Variants in ZNF85 observed in about 807,000 individuals in gnomAD.
ZNF85 encodes zinc finger protein 85, also known as zinc finger protein 85 (HPF4, HTF1).
In ZNF85, 50 loss-of-function variants were observed where a neutral mutation model predicts 53.9. That is an observed-to-expected ratio of 0.93 (90% CI 0.74 to 1.17). The LOEUF (loss-of-function observed/expected upper bound fraction) is 1.17, where lower values mean the gene tolerates loss of function less well. Ranked by LOEUF, ZNF85 falls within the 50% of genes most tolerant of loss-of-function variation. The probability of loss-of-function intolerance (pLI) is 0.00; values close to 1 mark genes in which losing one functional copy is unlikely to be tolerated. For synonymous variants in ZNF85, 225 were observed against 226.1 expected, an observed-to-expected ratio of 1.00 and a Z score of 0.04; for missense variants, 747 against 688.5, an observed-to-expected ratio of 1.08 and a Z score of -0.95.
At position 20,949,028 on chromosome 19, in the gene ZNF85, A is replaced by T. The variant is rs1323834920; in HGVS notation, c.514A>T (p.Lys172Ter). Reference sequence around the variant, plus strand: ...ACATGAGATAAGACATACTAAAAAGAAACCTTTCAAATGTACAAAATGTGG... The same window carrying T: ...ACATGAGATAAGACATACTAAAAAGTAACCTTTCAAATGTACAAAATGTGG... Reference protein sequence around the residue: ...NRHEIRHTKKKPFKCTKCGKS... With the variant: ...NRHEIRHTKK The change falls in exon 4 of 4, where the codon AAA (lysine) becomes TAA (stop). Residue 172 changes from lysine (K) to a stop codon, truncating the protein, a stop_gained. Transcript: ENST00000328178. LOFTEE classifies it high-confidence loss of function. 1 of 1,613,864 alleles carries T rather than the reference A, an allele frequency of 6.2e-7. No homozygotes were observed. The highest frequency in any genetic ancestry group is 1.3e-5 in the African/African-American group (1 of 75,060).
chr19:20,946,728 G>T (rs536489276), intron 3 of ZNF85, among the ~76,000 whole-genome samples: 2 of 151,700 alleles, frequency 1.3e-5, no homozygotes, highest in Non-Finnish European at 2.9e-5. Context: ...AACTTAAGAT[G>T]TGTTGTGTAA....
Position 20,937,266 on chromosome 19 carries a change from G to A in ZNF85, c.229+2219G>A, listed in dbSNP as rs746735505. 34 of 451,098 alleles carry A rather than the reference G, an allele frequency of 7.5e-5. 1 individual carries two copies. Among genetic ancestry groups the A allele is most frequent in the South Asian group, 4.2e-4 (27 of 63,796 alleles). 27.9% of individuals were successfully genotyped at this position (451,098 alleles called of 1,614,324 possible). On this transcript the variant is annotated intron_variant, in intron 3 of 3. Coordinates refer to ENST00000328178, the MANE Select transcript of ZNF85 (RefSeq NM_003429.5). ...AGGCGAGTCTCAAACTCCTGACCTCGTGATCCACCCACCTCAGCCTCCCAA... is the reference window on the plus strand; with the variant it reads ...AGGCGAGTCTCAAACTCCTGACCTCATGATCCACCCACCTCAGCCTCCCAA...
At chr19:20,944,483 T>A (rs953785587) in intron 3 of ZNF85, among the ~76,000 whole-genome samples, 1 of 146,228 alleles carries the variant, frequency 6.8e-6, no homozygotes, top group Admixed American at 6.8e-5. Context: ...GTATAATTAT[T>A]ATATATTTTT....
intron 3 of ZNF85, chr19:20,937,384 C>T (rs1369704591): frequency 4.4e-6 from 2 of 455,950 alleles, no homozygotes; most frequent in Admixed American, 4.7e-5. Flanking sequence ...TGTTGGGCCC[C>T]CAGGGTGACG....
chr19:20,949,670 A>T lies in ZNF85; in HGVS notation c.1156A>T (p.Thr386Ser), dbSNP rs529155145. The T allele has an allele frequency of 1.2e-4, 194 of 1,613,404 alleles. 5 individuals carry two copies. In the South Asian group the frequency reaches 2.1e-3, roughly 18 times the overall value. The stretch of plus-strand genomic sequence containing the variant: ...AGCCTTTAATCATTTCTCACACCTT[A>T]CTACACATAAGATAATTCATACTGG... ...GKAFNHFSHL[T>S]THKIIHTGEK... The change falls in exon 4 of 4, where the codon ACT (threonine) becomes TCT (serine). Residue 386 changes from threonine to serine, a missense_variant. By Grantham distance (58) the Thr-to-Ser change is moderately conservative. Coordinates refer to ENST00000328178, the MANE Select transcript of ZNF85 (RefSeq NM_003429.5).
intron 3 of ZNF85, 111 bp downstream of exon 3, chr19:20,935,158 G>C (rs1973128035): frequency 9.5e-6 from 6 of 633,308 alleles, no homozygotes; most frequent in Non-Finnish European, 1.5e-5. Flanking sequence ...AAAGAAAATA[G>C]TTTCTCAGAA....
At chr19:20,938,650 A>G (rs961484461) in intron 3 of ZNF85, among the ~76,000 whole-genome samples, 2 of 152,202 alleles carry the variant, frequency 1.3e-5, no homozygotes, top group Admixed American at 6.5e-5. Flanking sequence ...TAGAATTTAC[A>G]TGTTATGCCT....
At chr19:20,927,006 G>A (rs1452769201) in intron 1 of ZNF85, 2 of 151,960 alleles carry the variant, frequency 1.3e-5, no homozygotes, top group African/African-American at 2.4e-5. Context: ...CAAATGGAGT[G>A]TGAAAAAAAT....
Position 20,950,106 on chromosome 19 carries a change from T to G in ZNF85, c.1592T>G (p.Ile531Ser). The G allele has an allele frequency of 1.9e-6, 3 of 1,613,266 alleles. No individual in the cohort carries two copies. The highest frequency in any genetic ancestry group is 2.5e-6 in the Non-Finnish European group (3 of 1,179,808). The change falls in exon 4 of 4, where the codon ATT (isoleucine) becomes AGT (serine). Residue 531 changes from isoleucine to serine, a missense_variant. Physicochemically the swap from Ile to Ser is moderately radical, Grantham distance 142 (BLOSUM62 -2). Coordinates refer to ENST00000328178, the MANE Select transcript of ZNF85 (RefSeq NM_003429.5). Reference sequence around the variant, plus strand: ...TCAAAACTTACCAAACATAAGAAAATTCATACTGGAGAGAAACCCTACACA... The same window carrying G: ...TCAAAACTTACCAAACATAAGAAAAGTCATACTGGAGAGAAACCCTACACA... ...QSSKLTKHKK[I>S]HTGEKPYTCE...
At position 20,950,077 on chromosome 19, in the gene ZNF85, A is replaced by G. The variant is rs143173834; in HGVS notation, c.1563A>G (p.Gln521=). Residue 521 remains glutamine, a synonymous_variant, in exon 4 of 4, where the codon CAA becomes CAG. Coordinates refer to ENST00000328178, the MANE Select transcript of ZNF85 (RefSeq NM_003429.5). ...KCEECGKAFN[Q]SSKLTKHKKI... ...AAGAATGTGGCAAAGCTTTTAACCA[A>G]TCCTCAAAACTTACCAAACATAAGA... is the stretch of plus-strand genomic sequence containing the variant. 5.6e-4 allele frequency: 900 copies of G among 1,612,524 alleles called. 7 individuals carry two copies. The African/African-American group carries it at 0.011, about 20-fold the overall frequency.
chr19:20,928,125 C>T (rs1019637694), intron 1 of ZNF85: 3 of 152,044 alleles, frequency 2.0e-5, no homozygotes, highest in African/African-American at 7.2e-5. Context: ...TTATGGGAAT[C>T]CCCAAATTTT....
At position 20,925,496 on chromosome 19, in the gene ZNF85, C is replaced by A. The variant is rs112920537; in HGVS notation, c.3+2093C>A. Reference sequence around the variant, plus strand: ...AGATTGACTTCACCCAACCCAGCTTCTATTTCTTGGAGACACATTGAGAGA... The same window carrying A: ...AGATTGACTTCACCCAACCCAGCTTATATTTCTTGGAGACACATTGAGAGA... On this transcript the variant is annotated intron_variant, in intron 1 of 3. Coordinates refer to ENST00000328178, the MANE Select transcript of ZNF85 (RefSeq NM_003429.5). 3.3e-3 allele frequency among the ~76,000 whole-genome samples: 500 copies of A among 151,500 alleles called. 3 individuals carry two copies. The highest frequency in any genetic ancestry group is 0.014 in the Middle Eastern group (4 of 292).
chr19:20,934,708 C>T (rs1376934754), intron 2 of ZNF85, among the ~76,000 whole-genome samples: 1 of 145,498 alleles, frequency 6.9e-6, no homozygotes, highest in Non-Finnish European at 1.5e-5. Flanking sequence ...ACTCAGGAGG[C>T]GGAGCTTGCA....
intron 1 of ZNF85, among the ~76,000 whole-genome samples, chr19:20,923,681 G>T (rs1972812895): frequency 6.6e-6 from 1 of 150,998 alleles, no homozygotes; most frequent in Admixed American, 6.6e-5. Context: ...CTCCCAGATT[G>T]AGCAGGGACC....
chr19:20,923,527 G>A, intron 1 of ZNF85, 124 bp downstream of exon 1: 1 of 1,497,848 alleles, frequency 6.7e-7, no homozygotes, highest in Admixed American at 1.9e-5. Context: ...AGTTCTTTTT[G>A]CCCAGCTCGG....
chr19:20,934,752 G>A (rs1349849501), intron 2 of ZNF85, among the ~76,000 whole-genome samples, 197 bp from the exon 3 acceptor site: 20 of 149,018 alleles, frequency 1.3e-4, no homozygotes, highest in African/African-American at 5.0e-4. Flanking sequence ...ACTCCAGCCT[G>A]GGTGACAGAA....
At chr19:20,927,711 T>A (rs1254404204) in intron 1 of ZNF85, 2 of 151,902 alleles carry the variant, frequency 1.3e-5, no homozygotes. Flanking sequence ...GGTGAAACCC[T>A]GTCTCTACTA....
chr19:20,934,528 G>C (rs374439569), intron 2 of ZNF85, among the ~76,000 whole-genome samples: 1 of 152,074 alleles, frequency 6.6e-6, no homozygotes, highest in Non-Finnish European at 1.5e-5. Flanking sequence ...CCAGCACTTC[G>C]GGAGGCTGAG....
intron 3 of ZNF85, among the ~76,000 whole-genome samples, chr19:20,947,818 T>C (rs909794098): frequency 7.9e-5 from 12 of 151,900 alleles, no homozygotes; most frequent in African/African-American, 2.9e-4. Context: ...TTTTTAATAT[T>C]TTTGTTGTTA....
Sources: gnomAD v4.1 joint callset for allele counts (sites outside exome capture counted in the v4.1 genomes callset) on GRCh38, gnomAD v4.1.1 for gene constraint, MANE v1.5 for transcripts, NCBI Gene and HGNC (gene_info 2026-07-23, HGNC 2026-07-21) for gene names.